The following FAM117B variants were observed in gnomAD, a reference collection of about 807,000 sequenced individuals.
FAM117B encodes protein FAM117B.
Under a neutral mutation model 52.8 loss-of-function variants are expected in FAM117B, and 22 were observed. The ratio of observed to expected loss-of-function variants is 0.42; its 90% CI spans 0.30 to 0.59. FAM117B has a LOEUF of 0.59. Among genes scored for constraint, FAM117B ranks in the 20% least tolerant of loss-of-function variants. The pLI is 0.22. For missense variants in FAM117B, 678 were observed against 802.6 expected, an observed-to-expected ratio of 0.84 and a Z score of 1.88; for synonymous variants, 309 against 324.1, an observed-to-expected ratio of 0.95 and a Z score of 0.50.
chr2:202,740,173 C>CAAAAAAAAAAAAAAAAAAAAAAAAAAAA (rs1358404767), intron 4 of FAM117B, among the ~76,000 whole-genome samples: 1 of 69,672 alleles, frequency 1.4e-5, no homozygotes, highest in Non-Finnish European at 2.6e-5. Flanking sequence ...ACTTCATCCC[C>CAAAAAAAAAAAAAAAAAAAAAAAAAAAA]CAAAAAAAAA....
At chr2:202,720,821 A>T (rs572081596) in intron 2 of FAM117B, among the ~76,000 whole-genome samples, 3 of 152,306 alleles carry the variant, frequency 2.0e-5, no homozygotes, top group African/African-American at 7.2e-5. Context: ...ATTAGCAAGT[A>T]ATTTGCGAGT....
chr2:202,700,396 T>G (rs1188653612), intron 2 of FAM117B, among the ~76,000 whole-genome samples: 2 of 152,228 alleles, frequency 1.3e-5, no homozygotes, highest in South Asian at 2.1e-4. Context: ...GGAAAAAGTT[T>G]TAGTGATCTA....
intron 4 of FAM117B, among the ~76,000 whole-genome samples, chr2:202,733,487 C>T (rs1691389992): frequency 6.6e-6 from 1 of 152,158 alleles, no homozygotes; most frequent in Non-Finnish European, 1.5e-5. Flanking sequence ...AAGACAGACA[C>T]TCCCAGAGCG....
intron 4 of FAM117B, among the ~76,000 whole-genome samples, chr2:202,741,416 CAAAAAAAAAAAAA>C (rs1156278814): frequency 6.6e-4 from 23 of 34,960 alleles, no homozygotes; most frequent in South Asian, 4.3e-3. Flanking sequence ...GACTCTGTCT[CAAAAAAAAAAAAA>C]AAAAAAAAAA....
At chr2:202,705,117 A>C (rs1690852816) in intron 2 of FAM117B, among the ~76,000 whole-genome samples, 1 of 151,898 alleles carries the variant, frequency 6.6e-6, no homozygotes, top group South Asian at 2.1e-4. Context: ...GACCAGCCTG[A>C]CCAACATGGA....
intron 2 of FAM117B, among the ~76,000 whole-genome samples, chr2:202,708,949 A>C (rs1690918413): frequency 6.6e-6 from 1 of 152,104 alleles, no homozygotes; most frequent in East Asian, 1.9e-4. Flanking sequence ...TTTCCATAGA[A>C]GCTCTACTGT....
chr2:202,698,660 T>C (rs999493597), intron 2 of FAM117B, among the ~76,000 whole-genome samples: 1 of 152,090 alleles, frequency 6.6e-6, no homozygotes, highest in Non-Finnish European at 1.5e-5. Flanking sequence ...TGACCTCAGG[T>C]GATCCACCCG....
intron 2 of FAM117B, among the ~76,000 whole-genome samples, chr2:202,723,854 A>G (rs529923514): frequency 9.2e-5 from 14 of 152,242 alleles, no homozygotes; most frequent in African/African-American, 2.9e-4. Context: ...ATATCCCCCC[A>G]TAAAGGCTGT....
intron 1 of FAM117B, among the ~76,000 whole-genome samples, chr2:202,662,849 A>T (rs1191925604): frequency 6.6e-6 from 1 of 152,198 alleles, no homozygotes; most frequent in African/African-American, 2.4e-5. Flanking sequence ...TCTCAAAAGA[A>T]GAAGAAGAAA....
At chr2:202,654,574 T>G (rs2105758258) in intron 1 of FAM117B, among the ~76,000 whole-genome samples, 1 of 152,270 alleles carries the variant, frequency 6.6e-6, no homozygotes, top group African/African-American at 2.4e-5. Context: ...CATTGTCTGA[T>G]ACTCTTCTGT....
At chr2:202,641,075 G>C (rs1689762524) in intron 1 of FAM117B, among the ~76,000 whole-genome samples, 1 of 152,208 alleles carries the variant, frequency 6.6e-6, no homozygotes, top group South Asian at 2.1e-4. Flanking sequence ...GTAATACAAA[G>C]ATGTAAAACA....
intron 4 of FAM117B, among the ~76,000 whole-genome samples, chr2:202,751,997 A>AT (rs1691732318): frequency 6.6e-6 from 1 of 152,242 alleles, no homozygotes; most frequent in Admixed American, 6.5e-5. Flanking sequence ...AGTAAAGGGA[A>AT]TAAGTAATAC....
At chr2:202,749,530 A>G (rs2105796948) in intron 4 of FAM117B, among the ~76,000 whole-genome samples, 1 of 152,200 alleles carries the variant, frequency 6.6e-6, no homozygotes, top group South Asian at 2.1e-4. Flanking sequence ...AAAGGACTAG[A>G]TAGAAGAGTT....
intron 4 of FAM117B, among the ~76,000 whole-genome samples, chr2:202,728,434 TAAG>T (rs1691290011): frequency 3.3e-5 from 5 of 152,138 alleles, no homozygotes; most frequent in Admixed American, 3.3e-4. Flanking sequence ...ATTGACAAAA[TAAG>T]AAATGAAAAA....
intron 1 of FAM117B, among the ~76,000 whole-genome samples, chr2:202,665,406 C>G (rs989844287): frequency 1.3e-5 from 2 of 152,036 alleles, no homozygotes; most frequent in Admixed American, 6.6e-5. Context: ...TGCAGCCAGC[C>G]AAAGAAAACT....
chr2:202,695,907 A>G lies in FAM117B; in HGVS notation c.628A>G (p.Ser210Gly). Residue 210 changes from serine (S) to glycine (G), a missense_variant, in exon 2 of 8, where the codon AGC becomes GGC. Physicochemically the swap from Ser to Gly is moderately conservative, Grantham distance 56 (BLOSUM62 0). Coordinates refer to ENST00000392238, the MANE Select transcript of FAM117B (RefSeq NM_173511.4). ...AGDKTRQPSS[S>G]PSSIIRRTSS... ...TGACAAAACACGACAGCCTTCTTCA[A>G]GCCCCTCCAGTATTATCCGACGCAC... 1 of 1,609,590 alleles carries G rather than the reference A, an allele frequency of 6.2e-7. No homozygotes were observed.
At chr2:202,699,934 G>A (rs1256220596) in intron 2 of FAM117B, among the ~76,000 whole-genome samples, 3 of 152,124 alleles carry the variant, frequency 2.0e-5, no homozygotes. Context: ...TATTGTATCT[G>A]TTATGGTGAT....
chr2:202,679,800 A>G (rs1276348051), intron 1 of FAM117B, among the ~76,000 whole-genome samples: 1 of 152,236 alleles, frequency 6.6e-6, no homozygotes, highest in African/African-American at 2.4e-5. Flanking sequence ...ATACTTAAAA[A>G]CATGATACTG....
Position 202,635,388 on chromosome 2 carries a change from T to C in FAM117B, c.201T>C (p.Gly67=), listed in dbSNP as rs1428096934. Residue 67 remains glycine, a synonymous_variant, in exon 1 of 8, where the codon GGT becomes GGC. Transcript: ENST00000392238. Reference sequence around the variant, plus strand: ...GCGGCGGCGGCGGCAACAACAACGGTGGCTGCTGTGGTGGCGCCTCAGGCC... The same window carrying C: ...GCGGCGGCGGCGGCAACAACAACGGCGGCTGCTGTGGTGGCGCCTCAGGCC... ...SGGGGGGNNN[G]GCCGGASGPA... The C allele has an allele frequency of 8.4e-6, 11 of 1,317,000 alleles. No homozygotes were observed. The South Asian group carries it at 2.4e-4, about 29-fold the overall frequency. The allele number at this position is 1,317,000 out of a possible 1,614,324, so 81.6% of individuals were successfully genotyped here.
Sources: allele counts gnomAD v4.1 joint callset (sites outside exome capture counted in the v4.1 genomes callset), GRCh38; gene constraint gnomAD v4.1.1; transcripts MANE v1.5; gene names NCBI Gene and HGNC (gene_info 2026-07-23, HGNC 2026-07-21).